KDM5B: variants seen among roughly 807,000 people sequenced by gnomAD.
KDM5B encodes lysine-specific demethylase 5B.
A neutral mutation model predicts 193.4 loss-of-function variants in KDM5B; 144 were observed. The observed-to-expected ratio is 0.74, with a 90% confidence interval of 0.65 to 0.86. The LOEUF is 0.86. KDM5B is among the 40% of genes least tolerant of loss of function. The pLI is 0.00. For synonymous variants in KDM5B, 668 were observed against 682.6 expected, an observed-to-expected ratio of 0.98 and a Z score of 0.33; for missense variants, 1,833 against 1,886.9, an observed-to-expected ratio of 0.97 and a Z score of 0.53.
chr1:202,736,520 A>G (rs2102222286), intron 20 of KDM5B, 128 bp from the exon 21 acceptor site: 1 of 534,874 alleles, frequency 1.9e-6, no homozygotes, highest in East Asian at 3.4e-5. Context: ...TGCTAAATTC[A>G]CAAACGCTGA....
At chr1:202,788,173 C>T (rs1240965366) in intron 1 of KDM5B, among the ~76,000 whole-genome samples, 2 of 152,176 alleles carry the variant, frequency 1.3e-5, no homozygotes, top group African/African-American at 4.8e-5. Context: ...ACAATGTCAA[C>T]ATTTTTAGAA....
chr1:202,759,902 T>A (rs927146107), intron 8 of KDM5B, among the ~76,000 whole-genome samples: 2 of 152,208 alleles, frequency 1.3e-5, no homozygotes, highest in Non-Finnish European at 2.9e-5. Context: ...TTACAAATTA[T>A]TTTCTGCCTC....
chr1:202,762,621 T>A (rs1267725550), intron 7 of KDM5B, 78 bp downstream of exon 7: 5 of 801,390 alleles, frequency 6.2e-6, no homozygotes, highest in Non-Finnish European at 1.1e-5. Flanking sequence ...AGTTTAAACT[T>A]GGGGGTAAAG....
intron 11 of KDM5B, among the ~76,000 whole-genome samples, chr1:202,753,652 TTTG>T (rs992471709): frequency 2.1e-5 from 3 of 140,146 alleles, no homozygotes; most frequent in African/African-American, 7.4e-5. Flanking sequence ...GAATTTCTCT[TTTG>T]TTGTTGTTGT....
intron 2 of KDM5B, among the ~76,000 whole-genome samples, chr1:202,776,764 G>C (rs943034109): frequency 6.6e-6 from 1 of 152,024 alleles, no homozygotes; most frequent in Non-Finnish European, 1.5e-5. Context: ...ACAGGGTCCC[G>C]CTATGTTGCC....
At chr1:202,769,540 A>C (rs1041263955) in intron 4 of KDM5B, among the ~76,000 whole-genome samples, 1 of 151,176 alleles carries the variant, frequency 6.6e-6, no homozygotes, top group Admixed American at 6.6e-5. Context: ...GTGGTGATGC[A>C]TGCCTGTAAT....
rs780740366 is a variant in KDM5B at position 202,729,015 on chromosome 1, G to T, written c.*21C>A. ...GGAGTCCTGAATTACATTAAGTAGG[G>T]GGGTATCTGTTTTTGTGTTTTTACT... On this transcript the variant is annotated 3_prime_UTR_variant, in exon 27 of 27. Coordinates refer to ENST00000367265, the MANE Select transcript of KDM5B (RefSeq NM_006618.5). The T allele has an allele frequency of 6.2e-7, 1 of 1,613,770 alleles. No homozygotes were observed. Among genetic ancestry groups the T allele is most frequent in the Admixed American group, 1.7e-5 (1 of 60,014 alleles).
intron 21 of KDM5B, 81 bp from the exon 22 acceptor site, chr1:202,735,668 A>G: frequency 7.8e-7 from 1 of 1,286,556 alleles, no homozygotes; most frequent in Non-Finnish European, 1.1e-6. Context: ...ATAAAAGCCT[A>G]AGCAGTAAAA....
At chr1:202,736,733 C>T (rs1558481960) in intron 20 of KDM5B, among the ~76,000 whole-genome samples, 1 of 152,028 alleles carries the variant, frequency 6.6e-6, no homozygotes. Context: ...CCTCTACCTC[C>T]TGGGTTCAAG....
chr1:202,729,341 C>A, intron 26 of KDM5B, 168 bp from the exon 27 acceptor site: 1 of 699,942 alleles, frequency 1.4e-6, no homozygotes. Flanking sequence ...GCCCCCTAGC[C>A]AAAGCAACCG....
chr1:202,782,191 CTT>C (rs1456389348), intron 1 of KDM5B, among the ~76,000 whole-genome samples: 3 of 152,094 alleles, frequency 2.0e-5, no homozygotes, highest in African/African-American at 7.2e-5. Flanking sequence ...TCTGTCATCT[CTT>C]CTGGTTATAA....
chr1:202,732,039 G>T, intron 23 of KDM5B, 100 bp from the exon 24 acceptor site: 7 of 552,664 alleles, frequency 1.3e-5, no homozygotes, highest in African/African-American at 2.1e-5. Context: ...CAGGCAACCA[G>T]GGGAAAAAAA....
chr1:202,800,351 T>C (rs1223907993), intron 1 of KDM5B, among the ~76,000 whole-genome samples: 1 of 152,024 alleles, frequency 6.6e-6, no homozygotes, highest in Non-Finnish European at 1.5e-5. Flanking sequence ...CATTTTGTTT[T>C]GTTTGTTTTT....
At chr1:202,740,234 G>C (rs933676154) in intron 20 of KDM5B, among the ~76,000 whole-genome samples, 2 of 147,638 alleles carry the variant, frequency 1.4e-5, no homozygotes, top group African/African-American at 5.0e-5. Context: ...GTTGGGGGCT[G>C]ACCCTCCCGC....
At chr1:202,761,578 T>A (rs780650378) in intron 7 of KDM5B, among the ~76,000 whole-genome samples, 11 of 152,322 alleles carry the variant, frequency 7.2e-5, no homozygotes, top group Admixed American at 2.0e-4. Flanking sequence ...TAACCCTCAG[T>A]ACCTCAGAAT....
At chr1:202,783,060 A>G (rs1657261700) in intron 1 of KDM5B, among the ~76,000 whole-genome samples, 1 of 152,218 alleles carries the variant, frequency 6.6e-6, no homozygotes, top group Admixed American at 6.5e-5. Context: ...AGCCTGGCCA[A>G]CATGGCGAAA....
chr1:202,747,565 T>TTA (rs1655608365), intron 14 of KDM5B, among the ~76,000 whole-genome samples: 1 of 69,302 alleles, frequency 1.4e-5, no homozygotes, highest in African/African-American at 3.8e-5. Flanking sequence ...AAGGCACATA[T>TTA]TTTTAAAAAA....
chr1:202,807,121 G>C (rs1004859102), intron 1 of KDM5B: 9 of 152,418 alleles, frequency 5.9e-5, no homozygotes, highest in African/African-American at 2.2e-4. Context: ...GGCTGCGGTG[G>C]GTGACTGCCT....
At chr1:202,796,843 A>G (rs1657868161) in intron 1 of KDM5B, 1 of 153,006 alleles carries the variant, frequency 6.5e-6, no homozygotes, top group Admixed American at 6.5e-5. Context: ...TGCTGACCCT[A>G]ACCTTTGTCG....
Sources: allele counts gnomAD v4.1 joint callset (sites outside exome capture counted in the v4.1 genomes callset), GRCh38; gene constraint gnomAD v4.1.1; transcripts MANE v1.5; gene names NCBI Gene and HGNC (gene_info 2026-07-23, HGNC 2026-07-21).